Variants in ZNF469 observed in about 807,000 individuals in gnomAD.
ZNF469 encodes zinc finger protein 469.
In ZNF469, 1 loss-of-function variant was observed where a neutral mutation model predicts 1.0. That is an observed-to-expected ratio of 1.00 (90% CI 0.35 to 4.73). The LOEUF (loss-of-function observed/expected upper bound fraction) is 4.73. Among genes scored for constraint, ZNF469 ranks in the 30% most tolerant of loss-of-function variants. The pLI is 0.16. For synonymous variants in ZNF469, 2,703 were observed against 2,363.4 expected (o/e 1.14, Z -4.17); for missense variants, 6,100 against 5,356.3 (o/e 1.14, Z -4.33).
the ZNF469 span, among the ~76,000 whole-genome samples, chr16:88,141,086 A>T: frequency 6.6e-6 from 1 of 152,252 alleles, no homozygotes; most frequent in Non-Finnish European, 1.5e-5. Context: ...TGGAAAAACA[A>T]AGTTAGAACC....
Position 88,439,409 on chromosome 16 carries a change from T to C in ZNF469, c.*77T>C, listed in dbSNP as rs1459423210. 5 of 1,482,254 alleles carry C rather than the reference T, an allele frequency of 3.4e-6. No homozygotes were observed. Among genetic ancestry groups the C allele is most frequent in the Non-Finnish European group, 4.6e-6 (5 of 1,086,794 alleles). The allele number at this position is 1,482,254 out of a possible 1,614,324, so 91.8% of individuals were successfully genotyped here. A position where few individuals can be genotyped will look rare whatever the true frequency, so the allele number is the denominator to read the frequency against. ...GCCTCCTTGGCCAGCTCCGGCTCCC[T>C]GAGATGGTCCACTCTGTGGCCACTT... On this transcript the variant is annotated 3_prime_UTR_variant, in exon 3 of 3. Coordinates refer to ENST00000565624, the MANE Select transcript of ZNF469 (RefSeq NM_001367624.2).
chr16:88,165,232 G>T, the ZNF469 span, among the ~76,000 whole-genome samples: 1 of 152,216 alleles, frequency 6.6e-6, no homozygotes, highest in African/African-American at 2.4e-5. Flanking sequence ...TCCCCAAAAG[G>T]CTGCCTGTCA....
chr16:88,106,405 C>G, the ZNF469 span, among the ~76,000 whole-genome samples: 1 of 152,216 alleles, frequency 6.6e-6, no homozygotes, highest in Non-Finnish European at 1.5e-5. Flanking sequence ...AGAGGAGAAC[C>G]CTGTCTACTC....
chr16:88,373,549 A>G, the ZNF469 span, among the ~76,000 whole-genome samples: 1 of 152,196 alleles, frequency 6.6e-6, no homozygotes, highest in Non-Finnish European at 1.5e-5. Context: ...CAGTTTCTTC[A>G]TCTGTAAAGT....
the ZNF469 span, among the ~76,000 whole-genome samples, chr16:88,310,738 C>T: frequency 6.6e-6 from 1 of 152,118 alleles, no homozygotes; most frequent in Non-Finnish European, 1.5e-5. Context: ...CGCCACCATG[C>T]CCAACTAATC....
At chr16:88,415,699 G>A (rs1165832882) in intron 1 of ZNF469, among the ~76,000 whole-genome samples, 2 of 152,198 alleles carry the variant, frequency 1.3e-5, no homozygotes, top group Non-Finnish European at 2.9e-5. Flanking sequence ...CTGGGTGCAC[G>A]TCCCAGCCCC....
the ZNF469 span, among the ~76,000 whole-genome samples, chr16:88,229,907 G>C: frequency 6.6e-6 from 1 of 152,144 alleles, no homozygotes; most frequent in Non-Finnish European, 1.5e-5. Flanking sequence ...AGGGGCACGG[G>C]GCCAGTGGCT....
At chr16:88,169,894 G>A in the ZNF469 span, among the ~76,000 whole-genome samples, 3 of 152,230 alleles carry the variant, frequency 2.0e-5, no homozygotes, top group East Asian at 5.8e-4. The surrounding 1 kb of genome is among the most constrained non-coding windows in gnomAD (Gnocchi z 6.1). Context: ...GGCCCTGCCA[G>A]TGGGGTGCAG....
At chr16:88,414,889 G>A (rs2142286014) in intron 1 of ZNF469, among the ~76,000 whole-genome samples, 1 of 152,374 alleles carries the variant, frequency 6.6e-6, no homozygotes, top group African/African-American at 2.4e-5. Context: ...GCGGGGCAGA[G>A]GGGAGCACGG....
the ZNF469 span, among the ~76,000 whole-genome samples, chr16:88,290,994 G>A: frequency 1.3e-5 from 2 of 152,148 alleles, no homozygotes; most frequent in Non-Finnish European, 2.9e-5. Flanking sequence ...TGATGTCCAG[G>A]GCAGCTCCTG....
the ZNF469 span, among the ~76,000 whole-genome samples, chr16:88,215,383 A>ACTTTTTTTTTTTTTTTTTTTTTTTTT: frequency 6.4e-5 from 6 of 94,188 alleles, 3 homozygotes. Flanking sequence ...TTGCCTTTTA[A>ACTTTTTTTTTTTTTTTTTTTTTTTTT]TTTTTTTTTT....
chr16:88,292,634 T>C, the ZNF469 span, among the ~76,000 whole-genome samples: 2 of 151,610 alleles, frequency 1.3e-5, no homozygotes, highest in African/African-American at 2.4e-5. Flanking sequence ...TCTGGGGTGA[T>C]GGTGGCCAGC....
intron 1 of ZNF469, among the ~76,000 whole-genome samples, chr16:88,409,429 G>A (rs891541861): frequency 5.9e-5 from 9 of 152,150 alleles, no homozygotes; most frequent in Admixed American, 5.9e-4. Context: ...AGTCCTCAGG[G>A]CAGCAGCCAG....
At chr16:88,142,626 A>C in the ZNF469 span, among the ~76,000 whole-genome samples, 2 of 152,192 alleles carry the variant, frequency 1.3e-5, no homozygotes, top group African/African-American at 4.8e-5. Context: ...GTGATGTGCC[A>C]GGTGTGGCCC....
the ZNF469 span, among the ~76,000 whole-genome samples, chr16:88,212,374 A>G: frequency 6.6e-6 from 1 of 151,758 alleles, no homozygotes; most frequent in Admixed American, 6.6e-5. Flanking sequence ...TTCTGTTTCA[A>G]CCACTTTATC....
At chr16:88,398,638 A>G (rs1599349253) in intron 1 of ZNF469, among the ~76,000 whole-genome samples, 1 of 121,100 alleles carries the variant, frequency 8.3e-6, no homozygotes, top group Non-Finnish European at 1.8e-5. Flanking sequence ...CATATGAGCC[A>G]CAGATGAAGG....
the ZNF469 span, among the ~76,000 whole-genome samples, chr16:88,265,318 C>G: frequency 2.6e-5 from 4 of 152,306 alleles, no homozygotes; most frequent in East Asian, 5.8e-4. Flanking sequence ...CAGGGGCCTT[C>G]CTGGGACCCC....
chr16:88,208,632 G>GGA, the ZNF469 span, among the ~76,000 whole-genome samples: 37,472 of 79,520 alleles, frequency 0.47, 9,052 homozygotes, highest in East Asian at 0.59. Flanking sequence ...GAAGTGGGAG[G>GGA]GAGAGAAGAA....
At chr16:88,353,185 A>G in the ZNF469 span, among the ~76,000 whole-genome samples, 1 of 152,032 alleles carries the variant, frequency 6.6e-6, no homozygotes, top group Non-Finnish European at 1.5e-5. Flanking sequence ...CCGAGGCCGT[A>G]AGTCTCACTG....
Sources: gnomAD v4.1 joint callset for allele counts (sites outside exome capture counted in the v4.1 genomes callset) on GRCh38, gnomAD v4.1.1 for gene constraint, Gnocchi (gnomAD v3.1) non-coding constraint, MANE v1.5 for transcripts, NCBI Gene and HGNC (gene_info 2026-07-23, HGNC 2026-07-21) for gene names.